ATP10B: variants seen among roughly 807,000 people sequenced by gnomAD.
ATP10B encodes phospholipid-transporting ATPase VB.
Under a neutral mutation model 141.2 loss-of-function variants are expected in ATP10B, and 122 were observed. That is an observed-to-expected ratio of 0.86 (90% CI 0.75 to 1.00). ATP10B has a LOEUF of 1.00. Among genes scored for constraint, ATP10B ranks in the 50% least tolerant of loss-of-function variants. ATP10B has a pLI of 0.00. For synonymous variants in ATP10B, 685 were observed against 692.0 expected, an observed-to-expected ratio of 0.99 and a Z score of 0.16; for missense variants, 1,876 against 1,825.3, an observed-to-expected ratio of 1.03 and a Z score of -0.51.
At chr5:160,576,455 C>T (rs1755193101) in intron 24 of ATP10B, among the ~76,000 whole-genome samples, 2 of 152,146 alleles carry the variant, frequency 1.3e-5, no homozygotes, top group Admixed American at 1.3e-4. Flanking sequence ...TGGCCATGAG[C>T]CTAAGCTCAC....
At chr5:160,737,514 A>T (rs1050360997) in intron 2 of ATP10B, among the ~76,000 whole-genome samples, 3 of 152,180 alleles carry the variant, frequency 2.0e-5, no homozygotes, top group Non-Finnish European at 4.4e-5. Context: ...AAGACTCCAC[A>T]AAAAACTCTT....
the ATP10B span, among the ~76,000 whole-genome samples, chr5:160,884,201 T>A: frequency 6.6e-6 from 1 of 152,190 alleles, no homozygotes; most frequent in South Asian, 2.1e-4. Flanking sequence ...CTTGTAACAG[T>A]CTTTTGTGAA....
chr5:160,928,259 G>C, the ATP10B span, among the ~76,000 whole-genome samples: 5 of 152,164 alleles, frequency 3.3e-5, no homozygotes, highest in South Asian at 1.0e-3. Context: ...AATGGCACAG[G>C]CCACATGGGT....
At position 160,639,773 on chromosome 5, in the gene ATP10B, A is replaced by G. The variant is rs1369740034; in HGVS notation, c.1000+688T>C. ...GATGATTCAAGTGCATTATATTTAC[A>G]GTGCACTTTATTTCTATTATTACAT... On this transcript the variant is annotated intron_variant, in intron 10 of 25. Transcript: ENST00000327245. 3.3e-5 allele frequency among the ~76,000 whole-genome samples: 5 copies of G among 152,338 alleles called. No individual in the cohort carries two copies. In the South Asian group the frequency reaches 1.0e-3, roughly 32 times the overall value.
intron 2 of ATP10B, among the ~76,000 whole-genome samples, chr5:160,724,636 T>C (rs944299469): frequency 1.3e-5 from 2 of 152,182 alleles, no homozygotes. Flanking sequence ...AAGTTCCCCT[T>C]CTCTCTTGTT....
At chr5:160,888,713 T>C in the ATP10B span, among the ~76,000 whole-genome samples, 22,722 of 152,172 alleles carry the variant, frequency 0.15, 1,966 homozygotes, top group African/African-American at 0.23. Context: ...CTGATTTTTA[T>C]GTTTTCCATT....
intron 1 of ATP10B, among the ~76,000 whole-genome samples, chr5:160,818,532 C>T (rs1773858947): frequency 1.3e-5 from 2 of 152,166 alleles, no homozygotes; most frequent in African/African-American, 4.8e-5. Context: ...GAAATAGGAA[C>T]ATTTTTACAC....
chr5:160,685,927 C>T (rs1763720101), intron 6 of ATP10B, 152 bp downstream of exon 6: 1 of 622,386 alleles, frequency 1.6e-6, no homozygotes, highest in Non-Finnish European at 2.6e-6. Context: ...TTACTAAATG[C>T]CCACTAGGGG....
intron 7 of ATP10B, among the ~76,000 whole-genome samples, chr5:160,654,680 G>T (rs1358127557): frequency 6.6e-6 from 1 of 152,080 alleles, no homozygotes; most frequent in African/African-American, 2.4e-5. Flanking sequence ...CACATCGTCA[G>T]ATTCCAAAGT....
At chr5:160,764,771 G>A (rs1431236659) in intron 2 of ATP10B, among the ~76,000 whole-genome samples, 1 of 152,062 alleles carries the variant, frequency 6.6e-6, no homozygotes, top group African/African-American at 2.4e-5. Flanking sequence ...AGGAAGTCAA[G>A]CTGTTGCTGT....
At chr5:160,647,527 T>C (rs1760382848) in intron 8 of ATP10B, among the ~76,000 whole-genome samples, 1 of 152,160 alleles carries the variant, frequency 6.6e-6, no homozygotes, top group Non-Finnish European at 1.5e-5. Context: ...GAAATCCGTC[T>C]GAGAGGGGCA....
chr5:160,881,336 C>T, the ATP10B span, among the ~76,000 whole-genome samples: 1 of 152,278 alleles, frequency 6.6e-6, no homozygotes, highest in East Asian at 1.9e-4. Flanking sequence ...TCCTTCACTA[C>T]TGGTGGAAAT....
rs533687311 is a variant in ATP10B, at chr5:160,814,350, G to A, written c.-575-28547C>T. Among the ~76,000 whole-genome samples, 53 of 152,310 alleles carry A rather than the reference G, an allele frequency of 3.5e-4. 1 individual carries two copies. Among genetic ancestry groups the A allele is most frequent in the Middle Eastern group, 6.8e-3 (2 of 294 alleles). On this transcript the variant is annotated intron_variant, in intron 1 of 25. Coordinates refer to ENST00000327245, the MANE Select transcript of ATP10B (RefSeq NM_025153.3). ...CTACGTGATGAATGCACAAGCCTCA[G>A]TAGCCGATTCGATCAACTGGAAGAA...
the ATP10B span, among the ~76,000 whole-genome samples, chr5:160,885,382 CAGTG>C: frequency 0.012 from 1,867 of 152,282 alleles, 47 homozygotes; most frequent in African/African-American, 0.042. Flanking sequence ...AGTGGTTCCT[CAGTG>C]AGTGAGTGTC....
At chr5:160,656,926 G>A (rs754020919) in intron 7 of ATP10B, among the ~76,000 whole-genome samples, 28 of 152,128 alleles carry the variant, frequency 1.8e-4, no homozygotes, top group Non-Finnish European at 3.4e-4. Flanking sequence ...AGACGAGTTG[G>A]ATTAGTGACT....
chr5:160,732,635 C>T (rs1766826147), intron 2 of ATP10B, among the ~76,000 whole-genome samples: 1 of 152,086 alleles, frequency 6.6e-6, no homozygotes, highest in Non-Finnish European at 1.5e-5. Flanking sequence ...TCTGGGTTCT[C>T]TATTTTGTTC....
chr5:160,671,762 G>A (rs1046402993), intron 6 of ATP10B, among the ~76,000 whole-genome samples: 1 of 152,092 alleles, frequency 6.6e-6, no homozygotes, highest in South Asian at 2.1e-4. Context: ...CACAGGAGTA[G>A]ATATTATCAT....
the ATP10B span, among the ~76,000 whole-genome samples, chr5:160,913,723 T>C: frequency 6.6e-6 from 1 of 152,186 alleles, no homozygotes; most frequent in Non-Finnish European, 1.5e-5. Flanking sequence ...TCTTGCACTT[T>C]TTATGGGGTT....
chr5:160,744,636 G>A (rs1423620802), intron 2 of ATP10B, among the ~76,000 whole-genome samples: 4 of 152,152 alleles, frequency 2.6e-5, no homozygotes, highest in Non-Finnish European at 4.4e-5. Flanking sequence ...AGTAACACTT[G>A]GGATATTCTC....
Sources: allele counts gnomAD v4.1 joint callset (sites outside exome capture counted in the v4.1 genomes callset), GRCh38; gene constraint gnomAD v4.1.1; transcripts MANE v1.5; gene names NCBI Gene and HGNC (gene_info 2026-07-23, HGNC 2026-07-21).